Variants in OR51B5 observed in about 807,000 individuals in gnomAD.
OR51B5 encodes the protein olfactory receptor family 51 subfamily B member 5.
For missense variants in OR51B5, 456 were observed against 374.6 expected (o/e 1.22, Z -1.79); for synonymous variants, 186 against 144.8 (o/e 1.28, Z -2.04).
chr11:5,425,487 G>C (rs1564809699), intron 1 of OR51B5, among the ~76,000 whole-genome samples: 1 of 152,158 alleles, frequency 6.6e-6, no homozygotes, highest in Non-Finnish European at 1.5e-5. Context: ...TTCCTTTCTT[G>C]AGATAAACTG....
chr11:5,445,067 G>C (rs371601755), intron 1 of OR51B5, among the ~76,000 whole-genome samples: 1 of 152,056 alleles, frequency 6.6e-6, no homozygotes, highest in East Asian at 1.9e-4. Context: ...ATATACTCAG[G>C]CAATTGCCCA....
rs537998820 is a variant in OR51B5, at chr11:5,497,921, G to A, written n.84+7648C>T. On this transcript the variant is annotated intron_variant and non_coding_transcript_variant, in intron 1 of 4. Transcript: ENST00000415970. ...TCATAGTATCCTCTTCCAAGGAAAT[G>A]CATTTGACACGTTTATTAATGGCAT... Among the ~76,000 whole-genome samples the A allele has an allele frequency of 2.1e-3, 323 of 152,234 alleles. 1 individual carries two copies. The highest frequency in any genetic ancestry group is 3.7e-3 in the Non-Finnish European group (252 of 68,030).
chr11:5,440,703 G>A (rs1368595860), intron 1 of OR51B5: 2 of 1,613,950 alleles, frequency 1.2e-6, no homozygotes, highest in South Asian at 2.2e-5. Context: ...AACAACAGGT[G>A]GAGCACTTTT....
chr11:5,369,240 G>GC (rs1182321866), intron 1 of OR51B5, among the ~76,000 whole-genome samples: 1 of 151,422 alleles, frequency 6.6e-6, no homozygotes, highest in Non-Finnish European at 1.5e-5. Flanking sequence ...ACTGAATGAG[G>GC]CCAACATGAT....
At chr11:5,489,089 C>T (rs1851538263) in intron 1 of OR51B5, 1 of 1,613,824 alleles carries the variant, frequency 6.2e-7, no homozygotes, top group South Asian at 1.1e-5. Flanking sequence ...AGGTATGTGG[C>T]TATCTGTAAC....
intron 1 of OR51B5, among the ~76,000 whole-genome samples, chr11:5,431,857 CTTTTT>C (rs1850539278): frequency 6.6e-6 from 1 of 152,182 alleles, no homozygotes; most frequent in African/African-American, 2.4e-5. Context: ...ACTGCTCCAT[CTTTTT>C]AAGTTTTTAA....
chr11:5,343,157 G>T, exon 1 of OR51B5: 1 of 1,613,790 alleles, frequency 6.2e-7, no homozygotes, highest in Non-Finnish European at 8.5e-7. Flanking sequence ...GTTGCAGATG[G>T]CAATAAAACG....
Position 5,352,482 on chromosome 11 carries a change from G to A in OR51B5, n.85-5572C>T, listed in dbSNP as rs1370093479. 2.9e-6 allele frequency: 4 copies of A among 1,356,870 alleles called. No homozygotes were observed. In the African/African-American group the frequency reaches 5.8e-5, roughly 20 times the overall value. 84.1% of individuals were successfully genotyped at this position (1,356,870 alleles called of 1,614,324 possible). On this transcript the variant is annotated intron_variant and non_coding_transcript_variant, in intron 1 of 4. Coordinates refer to the OR51B5 transcript ENST00000415970. ...CTGGTCTCTGAGGAATAATTCAGGG[G>A]ACCTGGACAGGATGACAATGTTGCC...
chr11:5,469,525 A>G (rs1851193686), intron 1 of OR51B5: 1 of 151,946 alleles, frequency 6.6e-6, no homozygotes. Context: ...AAACTAGGAG[A>G]GACAATGATG....
chr11:5,456,052 G>C (rs987647080), intron 1 of OR51B5: 6 of 152,116 alleles, frequency 3.9e-5, no homozygotes, highest in Non-Finnish European at 5.9e-5. Flanking sequence ...TTAATGCTTT[G>C]ATATTTTAGT....
downstream of OR51B5, chr11:5,340,697 G>A (rs1023112150): frequency 6.6e-6 from 1 of 152,154 alleles, no homozygotes; most frequent in African/African-American, 2.4e-5. Flanking sequence ...CTGTAGTGGA[G>A]TACCATTCAC....
chr11:5,473,275 G>A (rs944073214), intron 1 of OR51B5, among the ~76,000 whole-genome samples: 5 of 152,174 alleles, frequency 3.3e-5, no homozygotes, highest in Non-Finnish European at 5.9e-5. Flanking sequence ...TTTTGGAGGA[G>A]TCTGAGGGGT....
intron 1 of OR51B5, among the ~76,000 whole-genome samples, chr11:5,381,925 T>A (rs76074427): frequency 0.02 from 3,042 of 152,368 alleles, 110 homozygotes; most frequent in African/African-American, 0.069. Context: ...GGTTATCCAC[T>A]AAACAGTATT....
chr11:5,467,821 C>T (rs1008679533), intron 1 of OR51B5, among the ~76,000 whole-genome samples: 9 of 152,226 alleles, frequency 5.9e-5, no homozygotes, highest in Non-Finnish European at 1.2e-4. Context: ...CAATCAACAA[C>T]CTCTGTTAGG....
chr11:5,496,078 C>T (rs143813101), intron 1 of OR51B5, among the ~76,000 whole-genome samples: 261 of 152,108 alleles, frequency 1.7e-3, no homozygotes, highest in Middle Eastern at 6.8e-3. Context: ...CTCTTCTTGC[C>T]TTCCCTGATT....
chr11:5,429,271 G>A (rs1850496888), intron 1 of OR51B5, among the ~76,000 whole-genome samples: 1 of 152,172 alleles, frequency 6.6e-6, no homozygotes, highest in South Asian at 2.1e-4. Context: ...CATCTCCTGT[G>A]TGGCTAGTGT....
At chr11:5,422,270 G>T (rs774933989) in intron 1 of OR51B5, 7 of 1,614,046 alleles carry the variant, frequency 4.3e-6, no homozygotes, top group Non-Finnish European at 4.2e-6. Flanking sequence ...TGGATTTGAG[G>T]CCTCCCACAT....
chr11:5,476,810 C>T (rs946579211), intron 1 of OR51B5, among the ~76,000 whole-genome samples: 1 of 151,972 alleles, frequency 6.6e-6, no homozygotes, highest in African/African-American at 2.4e-5. Context: ...TAATATTTTA[C>T]CTATATCATT....
chr11:5,361,461 A>C (rs149626315), intron 1 of OR51B5, among the ~76,000 whole-genome samples: 549 of 152,304 alleles, frequency 3.6e-3, no homozygotes, highest in Middle Eastern at 0.01. Flanking sequence ...TTAGGGGTTC[A>C]TAGTCACATC....
Sources: gnomAD v4.1 joint callset for allele counts (sites outside exome capture counted in the v4.1 genomes callset) on GRCh38, gnomAD v4.1.1 for gene constraint, MANE v1.5 for transcripts, NCBI Gene and HGNC (gene_info 2026-07-23, HGNC 2026-07-21) for gene names.